ERI3: variants seen among roughly 807,000 people sequenced by gnomAD.
ERI3 encodes the protein ERI1 exoribonuclease family member 3.
Under a neutral mutation model 44.4 loss-of-function variants are expected in ERI3, and 18 were observed. That is an observed-to-expected ratio of 0.41 (90% CI 0.28 to 0.60). The LOEUF (loss-of-function observed/expected upper bound fraction) is 0.60, where lower values mean the gene tolerates loss of function less well. ERI3 is among the 20% of genes least tolerant of loss of function. The probability of loss-of-function intolerance (pLI) is 0.36; values close to 1 mark genes in which losing one functional copy is unlikely to be tolerated. For synonymous variants in ERI3, 183 were observed against 164.8 expected (o/e 1.11, Z -0.84); for missense variants, 294 against 435.5 (o/e 0.68, Z 2.89).
intron 7 of ERI3, among the ~76,000 whole-genome samples, chr1:44,268,995 T>C (rs1486333732): frequency 6.6e-6 from 1 of 152,216 alleles, no homozygotes. Flanking sequence ...CCTGAGTCCC[T>C]AGCTCTCCTG....
intron 8 of ERI3, among the ~76,000 whole-genome samples, chr1:44,242,651 C>T (rs1489099137): frequency 2.0e-5 from 3 of 152,182 alleles, no homozygotes; most frequent in Admixed American, 6.5e-5. Context: ...CCCAGAGGTG[C>T]AAGGCCCCCT....
intron 6 of ERI3, among the ~76,000 whole-genome samples, chr1:44,291,613 C>T (rs1645508340): frequency 6.6e-6 from 1 of 152,182 alleles, no homozygotes; most frequent in Admixed American, 6.5e-5. Flanking sequence ...CAAAGCTGGT[C>T]CTTGACAGTT....
chr1:44,236,433 G>C (rs1644306090), intron 8 of ERI3, among the ~76,000 whole-genome samples: 1 of 152,142 alleles, frequency 6.6e-6, no homozygotes, highest in Non-Finnish European at 1.5e-5. Flanking sequence ...GGGGAGAGCA[G>C]GGTGCTGAGA....
At chr1:44,339,760 G>C (rs1007179371) in intron 2 of ERI3, among the ~76,000 whole-genome samples, 1 of 152,178 alleles carries the variant, frequency 6.6e-6, no homozygotes, top group Non-Finnish European at 1.5e-5. Context: ...ACTCAGACAA[G>C]CAGCAGAAAA....
chr1:44,287,922 C>T (rs1645427850), intron 6 of ERI3, among the ~76,000 whole-genome samples: 1 of 152,214 alleles, frequency 6.6e-6, no homozygotes, highest in Non-Finnish European at 1.5e-5. Context: ...CGATCTTATT[C>T]TCCCCTAGCC....
At chr1:44,262,802 A>C (rs970355213) in intron 7 of ERI3, among the ~76,000 whole-genome samples, 1 of 152,200 alleles carries the variant, frequency 6.6e-6, no homozygotes, top group Non-Finnish European at 1.5e-5. Context: ...GGTCCCATCT[A>C]GGGAACATCT....
At chr1:44,293,333 T>G (rs1396477750) in intron 6 of ERI3, among the ~76,000 whole-genome samples, 1 of 152,210 alleles carries the variant, frequency 6.6e-6, no homozygotes. Flanking sequence ...TCACTTTGTC[T>G]TGCCACCATT....
intron 8 of ERI3, 136 bp downstream of exon 8, chr1:44,247,803 C>G: frequency 1.7e-6 from 1 of 592,770 alleles, no homozygotes; most frequent in Non-Finnish European, 2.8e-6. Flanking sequence ...CCCCCTTCCA[C>G]CATCCCCCCA....
Position 44,241,820 on chromosome 1 carries a change from A to ATACC in ERI3, c.931+6118_931+6119insGGTA, listed in dbSNP as rs1644443714. 1 of 217,546 alleles carries ATACC rather than the reference A, an allele frequency of 4.6e-6. No homozygotes were observed. The highest frequency in any genetic ancestry group is 2.4e-5 in the African/African-American group (1 of 42,456). The allele number at this position is 217,546 out of a possible 1,614,324, so 13.5% of individuals were successfully genotyped here. Reference sequence around the variant, plus strand: ...ACACACATAACACATACATACATACATACATACATACATACATACATACAT... The same window carrying ATACC: ...ACACACATAACACATACATACATACATACCTACATACATACATACATACATACAT... On this transcript the variant is annotated intron_variant, in intron 8 of 8. Coordinates refer to ENST00000372257, the MANE Select transcript of ERI3 (RefSeq NM_024066.3). This position sits in a 1 kb window ranked among gnomAD's most constrained non-coding sequence, Gnocchi z 5.6.
At chr1:44,293,412 G>A (rs1645548756) in intron 6 of ERI3, among the ~76,000 whole-genome samples, 1 of 152,218 alleles carries the variant, frequency 6.6e-6, no homozygotes, top group South Asian at 2.1e-4. Context: ...GGAAAGGCCT[G>A]AGGCAGGGAG....
At chr1:44,268,206 A>C (rs1432030316) in intron 7 of ERI3, among the ~76,000 whole-genome samples, 1 of 152,098 alleles carries the variant, frequency 6.6e-6, no homozygotes, top group African/African-American at 2.4e-5. Context: ...CTACCAGACC[A>C]GGAGCTCTGT....
At chr1:44,354,036 AC>A (rs1206221658) in intron 1 of ERI3, 1 of 985,360 alleles carries the variant, frequency 1.0e-6, no homozygotes. Context: ...CCAAGCAAGA[AC>A]CCACTAAAAC....
At chr1:44,339,921 C>T (rs1646616210) in intron 2 of ERI3, among the ~76,000 whole-genome samples, 3 of 152,176 alleles carry the variant, frequency 2.0e-5, no homozygotes, top group East Asian at 3.8e-4. Context: ...TTCTGGTGAT[C>T]CCCCAACCCC....
chr1:44,327,943 C>A (rs1449996663), intron 3 of ERI3, among the ~76,000 whole-genome samples: 4 of 152,220 alleles, frequency 2.6e-5, no homozygotes, highest in African/African-American at 9.7e-5. Flanking sequence ...GGACCAGGCC[C>A]ACTCAGGCAG....
intron 8 of ERI3, among the ~76,000 whole-genome samples, chr1:44,229,484 C>T (rs1454661505): frequency 6.6e-6 from 1 of 152,122 alleles, no homozygotes; most frequent in Non-Finnish European, 1.5e-5. Context: ...GGACCCCAGC[C>T]GCTGCCCCAG....
chr1:44,232,949 C>A (rs553956103), intron 8 of ERI3, among the ~76,000 whole-genome samples: 4 of 152,310 alleles, frequency 2.6e-5, no homozygotes, highest in African/African-American at 9.6e-5. Context: ...GCCTTTGGAG[C>A]CTGGATTGCA....
At chr1:44,272,322 G>A (rs1294566158) in intron 7 of ERI3, among the ~76,000 whole-genome samples, 3 of 152,082 alleles carry the variant, frequency 2.0e-5, no homozygotes, top group African/African-American at 7.2e-5. Context: ...GTTCAGAGAG[G>A]GACTTGCTCC....
intron 5 of ERI3, among the ~76,000 whole-genome samples, chr1:44,310,280 T>C (rs1451118267): frequency 2.0e-5 from 3 of 152,188 alleles, no homozygotes; most frequent in African/African-American, 7.2e-5. Context: ...GAGCCTGACA[T>C]GGTGGAACAT....
intron 7 of ERI3, among the ~76,000 whole-genome samples, chr1:44,250,248 G>A (rs1194728419): frequency 2.6e-5 from 4 of 152,236 alleles, no homozygotes; most frequent in Admixed American, 6.5e-5. Context: ...ACGGGCGGGC[G>A]GCAGGGCTGC....
Sources: allele counts gnomAD v4.1 joint callset (sites outside exome capture counted in the v4.1 genomes callset), GRCh38; gene constraint gnomAD v4.1.1; non-coding constraint Gnocchi (gnomAD v3.1); transcripts MANE v1.5; gene names NCBI Gene and HGNC (gene_info 2026-07-23, HGNC 2026-07-21).